The following DTWD2 variants were observed in gnomAD, a reference collection of about 807,000 sequenced individuals.
The protein encoded by DTWD2 is tRNA-uridine aminocarboxypropyltransferase 2.
DTWD2 carries 39 observed loss-of-function variants against 31.8 expected under a neutral mutation model. That is an observed-to-expected ratio of 1.22 (90% CI 0.95 to 1.60). The LOEUF (loss-of-function observed/expected upper bound fraction) is 1.60. Among genes scored for constraint, DTWD2 ranks in the 40% most tolerant of loss-of-function variants. The probability of loss-of-function intolerance (pLI) is 0.00; values close to 1 mark genes in which losing one functional copy is unlikely to be tolerated. For missense variants in DTWD2, 515 were observed against 381.5 expected, an observed-to-expected ratio of 1.35 and a Z score of -2.92; for synonymous variants, 180 against 142.8, an observed-to-expected ratio of 1.26 and a Z score of -1.86.
intron 1 of DTWD2, 126 bp downstream of exon 1, chr5:118,988,168 G>C: frequency 8.4e-7 from 1 of 1,193,272 alleles, no homozygotes; most frequent in Non-Finnish European, 1.2e-6. Context: ...TTTCCAACGT[G>C]CACCCGCCAA....
At chr5:118,973,742 T>G in intron 1 of DTWD2, 1 of 1,597,582 alleles carries the variant, frequency 6.3e-7, no homozygotes, top group Non-Finnish European at 8.5e-7. Context: ...CCAGAGTCCC[T>G]GAACTCTCGC....
intron 1 of DTWD2, among the ~76,000 whole-genome samples, chr5:118,978,970 C>T (rs903889651): frequency 2.0e-5 from 3 of 151,616 alleles, no homozygotes; most frequent in Non-Finnish European, 2.9e-5. Context: ...CACATCACTG[C>T]GCTCCAGCCT....
At chr5:118,973,998 G>A (rs1755064083) in intron 1 of DTWD2, 2 of 1,595,320 alleles carry the variant, frequency 1.3e-6, no homozygotes, top group Admixed American at 3.4e-5. Context: ...GAGGAAGAAG[G>A]TGATGGTGAG....
At chr5:118,865,751 C>G (rs999488172) in intron 4 of DTWD2, among the ~76,000 whole-genome samples, 1 of 152,070 alleles carries the variant, frequency 6.6e-6, no homozygotes, top group African/African-American at 2.4e-5. Context: ...CTCATTGATT[C>G]ACAATAAACA....
At chr5:118,972,242 A>G (rs1189433091) in intron 1 of DTWD2, among the ~76,000 whole-genome samples, 1 of 152,198 alleles carries the variant, frequency 6.6e-6, no homozygotes, top group East Asian at 1.9e-4. Context: ...AATAAAGAAG[A>G]AAAGGTGGAA....
At chr5:118,931,320 G>A (rs1753917586) in intron 3 of DTWD2, among the ~76,000 whole-genome samples, 1 of 151,370 alleles carries the variant, frequency 6.6e-6, no homozygotes, top group Non-Finnish European at 1.5e-5. Context: ...GCTTGAGCCT[G>A]GGAGGTCAAG....
At chr5:118,953,167 T>A (rs1262378735) in intron 1 of DTWD2, among the ~76,000 whole-genome samples, 1 of 152,156 alleles carries the variant, frequency 6.6e-6, no homozygotes, top group Non-Finnish European at 1.5e-5. Flanking sequence ...TCTAACAAAT[T>A]CCTAGGTGGT....
intron 4 of DTWD2, among the ~76,000 whole-genome samples, chr5:118,869,417 G>C (rs1357403497): frequency 6.6e-6 from 1 of 152,046 alleles, no homozygotes. Flanking sequence ...GATTGAGGAG[G>C]GGTTCCTACT....
intron 1 of DTWD2, among the ~76,000 whole-genome samples, chr5:118,983,511 TTC>T (rs575844486): frequency 6.2e-4 from 92 of 148,650 alleles, no homozygotes; most frequent in Middle Eastern, 3.5e-3. Context: ...TTTCCCCATT[TTC>T]TCTCTCTCTC....
chr5:118,932,063 G>A (rs1753935521), intron 3 of DTWD2, among the ~76,000 whole-genome samples: 1 of 152,122 alleles, frequency 6.6e-6, no homozygotes, highest in Non-Finnish European at 1.5e-5. Context: ...AAATGTGTGG[G>A]AAGCAGCAAA....
chr5:118,951,566 T>C (rs1561468604), intron 1 of DTWD2, among the ~76,000 whole-genome samples: 1 of 152,206 alleles, frequency 6.6e-6, no homozygotes, highest in African/African-American at 2.4e-5. Context: ...TTCTGGCTAT[T>C]TGGAAACACT....
At chr5:118,930,531 A>G (rs1753900134) in intron 3 of DTWD2, among the ~76,000 whole-genome samples, 1 of 152,154 alleles carries the variant, frequency 6.6e-6, no homozygotes, top group Non-Finnish European at 1.5e-5. Context: ...AAACACTCCA[A>G]AAACCAGAGG....
At chr5:118,942,837 G>A (rs888706732) in intron 2 of DTWD2, among the ~76,000 whole-genome samples, 4 of 151,750 alleles carry the variant, frequency 2.6e-5, no homozygotes, top group African/African-American at 9.7e-5. Flanking sequence ...GGGTCTTGCT[G>A]TACAGCCCAA....
intron 4 of DTWD2, among the ~76,000 whole-genome samples, chr5:118,900,930 A>C (rs1201409487): frequency 2.0e-5 from 3 of 151,708 alleles, no homozygotes; most frequent in Non-Finnish European, 4.4e-5. Context: ...GTCTCAAAAA[A>C]AAAAAAAAAG....
intron 1 of DTWD2, among the ~76,000 whole-genome samples, chr5:118,975,112 A>G (rs1755120216): frequency 6.6e-6 from 1 of 152,192 alleles, no homozygotes; most frequent in Non-Finnish European, 1.5e-5. Context: ...AATATCCTGA[A>G]GAGTGTTTTC....
At chr5:118,855,497 C>G (rs960060003) in intron 4 of DTWD2, among the ~76,000 whole-genome samples, 1 of 151,502 alleles carries the variant, frequency 6.6e-6, no homozygotes, top group African/African-American at 2.4e-5. Flanking sequence ...AAATGGATAC[C>G]AAGTATATTA....
intron 5 of DTWD2, among the ~76,000 whole-genome samples, chr5:118,845,434 TG>T (rs970329262): frequency 2.6e-4 from 39 of 152,246 alleles, no homozygotes; most frequent in South Asian, 6.2e-4. Context: ...AGGCTGGATG[TG>T]GGGTTCCCCC....
chr5:118,845,781 C>A (rs1446817055), intron 5 of DTWD2, among the ~76,000 whole-genome samples: 5 of 152,122 alleles, frequency 3.3e-5, no homozygotes, highest in Admixed American at 2.6e-4. Context: ...TTAAACTTTG[C>A]CTTTTGTTAG....
chr5:118,884,015 C>T (rs1408316621), intron 4 of DTWD2, among the ~76,000 whole-genome samples: 1 of 152,098 alleles, frequency 6.6e-6, no homozygotes, highest in Non-Finnish European at 1.5e-5. Context: ...TTTGTAAAAG[C>T]TCTTTTTCTG....
Sources: allele counts gnomAD v4.1 joint callset (sites outside exome capture counted in the v4.1 genomes callset), GRCh38; gene constraint gnomAD v4.1.1; transcripts MANE v1.5; gene names NCBI Gene and HGNC (gene_info 2026-07-23, HGNC 2026-07-21).